WDR27: variants seen among roughly 807,000 people sequenced by gnomAD.
WDR27 encodes the protein WD repeat-containing protein 27.
Under a neutral mutation model 114.4 loss-of-function variants are expected in WDR27, and 100 were observed. That is an observed-to-expected ratio of 0.87 (90% CI 0.74 to 1.03). WDR27 has a LOEUF of 1.03. Ranked by LOEUF, WDR27 falls within the 50% of genes least tolerant of loss-of-function variation. The probability of loss-of-function intolerance (pLI) is 0.00; values close to 1 mark genes in which losing one functional copy is unlikely to be tolerated. For missense variants in WDR27, 1,129 were observed against 1,092.9 expected (o/e 1.03, Z -0.47); for synonymous variants, 449 against 423.1 (o/e 1.06, Z -0.75).
chr6:169,603,817 A>G (rs1808554001), intron 22 of WDR27, among the ~76,000 whole-genome samples: 1 of 152,252 alleles, frequency 6.6e-6, no homozygotes, highest in Admixed American at 6.5e-5. Flanking sequence ...GAGTTCATAA[A>G]GAAATTTCTT....
chr6:169,447,618 T>C, the WDR27 span, among the ~76,000 whole-genome samples: 1 of 152,214 alleles, frequency 6.6e-6, no homozygotes, highest in Non-Finnish European at 1.5e-5. Context: ...GAACAAACTC[T>C]CAAGTGGAGG....
intron 24 of WDR27, among the ~76,000 whole-genome samples, chr6:169,576,201 C>A (rs977466098): frequency 1.3e-5 from 2 of 152,196 alleles, no homozygotes; most frequent in African/African-American, 4.8e-5. Flanking sequence ...GTCCACCCAC[C>A]CTCAGGGGAC....
At chr6:169,580,933 T>TTATATATATATATATATA (rs1220748162) in intron 24 of WDR27, among the ~76,000 whole-genome samples, 36 of 53,654 alleles carry the variant, frequency 6.7e-4, no homozygotes, top group East Asian at 2.0e-3. Context: ...TTAGTGAATT[T>TTATATATATATATATATA]TATATATATA....
rs1311224576 is a variant in WDR27, at chr6:169,667,397, A to G, written c.661-210T>C. The G allele has an allele frequency of 3.3e-6, 4 of 1,224,464 alleles. No individual in the cohort carries two copies. The East Asian group carries it at 1.3e-4, about 40-fold the overall frequency. The allele number at this position is 1,224,464 out of a possible 1,614,324, so 75.8% of individuals were successfully genotyped here. A position where few individuals can be genotyped will look rare whatever the true frequency, so the allele number is the denominator to read the frequency against. On this transcript the variant is annotated intron_variant, in intron 5 of 25. Coordinates refer to ENST00000448612, the MANE Select transcript of WDR27 (RefSeq NM_182552.5). ...AAGAAAAAAATAACATCACTTCCAT[A>G]AATAAAACCCTGGTGGATTTGAAGA...
At chr6:169,567,774 T>G (rs2085848107) in intron 25 of WDR27, among the ~76,000 whole-genome samples, 1 of 152,152 alleles carries the variant, frequency 6.6e-6, no homozygotes, top group Non-Finnish European at 1.5e-5. Flanking sequence ...CGAGTCCTGC[T>G]TTTTAGGATG....
chr6:169,668,268 G>A (rs1412556051), intron 4 of WDR27, 83 bp from the exon 5 acceptor site: 1 of 1,402,302 alleles, frequency 7.1e-7, no homozygotes, highest in Non-Finnish European at 9.9e-7. Context: ...TCAGGTGTCT[G>A]AGCTAAGAGG....
chr6:169,457,059 C>A (rs117060801), downstream of WDR27, among the ~76,000 whole-genome samples: 199 of 151,266 alleles, frequency 1.3e-3, 2 homozygotes, highest in East Asian at 0.032. Context: ...CATGCAGAAC[C>A]TAGGGAAGAG....
intron 25 of WDR27, among the ~76,000 whole-genome samples, chr6:169,557,422 G>A (rs570876349): frequency 2.6e-5 from 4 of 152,322 alleles, no homozygotes; most frequent in African/African-American, 9.6e-5. Context: ...GAGGTGGGGG[G>A]TGCGGTGCAG....
At chr6:169,592,516 T>C (rs898363166) in intron 23 of WDR27, among the ~76,000 whole-genome samples, 13 of 152,220 alleles carry the variant, frequency 8.5e-5, no homozygotes, top group African/African-American at 2.2e-4. Flanking sequence ...ATAAAGACCA[T>C]TGAATTCCAT....
chr6:169,579,825 T>C (rs965048023), intron 24 of WDR27, among the ~76,000 whole-genome samples: 1 of 152,170 alleles, frequency 6.6e-6, no homozygotes. Context: ...CACACTTTGC[T>C]CGAAAAAACC....
At chr6:169,499,108 C>T (rs1041934035) in intron 25 of WDR27, among the ~76,000 whole-genome samples, 2 of 152,208 alleles carry the variant, frequency 1.3e-5, no homozygotes, top group Non-Finnish European at 2.9e-5. Context: ...TGTTGCTAAG[C>T]GGAAACAGAC....
intron 25 of WDR27, among the ~76,000 whole-genome samples, chr6:169,501,377 G>A (rs900756924): frequency 6.6e-6 from 1 of 152,182 alleles, no homozygotes; most frequent in Admixed American, 6.5e-5. Flanking sequence ...CTAAGCCACC[G>A]AGGGAGTCAC....
intron 25 of WDR27, among the ~76,000 whole-genome samples, chr6:169,462,490 G>GAAAGAAAGAAAGAAAGAA (rs376383197): frequency 6.7e-5 from 10 of 149,850 alleles, no homozygotes; most frequent in Admixed American, 2.0e-4. Context: ...GAGAGAGAGA[G>GAAAGAAAGAAAGAAAGAA]AGAAAGAAAG....
intron 25 of WDR27, among the ~76,000 whole-genome samples, chr6:169,465,208 A>C (rs1246671580): frequency 6.8e-6 from 1 of 147,264 alleles, no homozygotes; most frequent in African/African-American, 2.5e-5. Context: ...TGGTGAGCCG[A>C]GATTGCACCA....
chr6:169,649,203 G>A lies in WDR27; in HGVS notation c.1554C>T (p.Cys518=), dbSNP rs747248152. The change falls in exon 15 of 26, where the codon TGC becomes TGT. Residue 518 remains cysteine, a synonymous_variant. Coordinates refer to ENST00000448612, the MANE Select transcript of WDR27 (RefSeq NM_182552.5). ...GKGSSRSRSS[C]AREAYPVECA... is the part of the protein sequence containing the mutation. Reference sequence around the variant, plus strand: ...ATGCACGCTACATCACACACCGTGCGCAGCTGCTCCTGCTCCTTGAAGATC... The same window carrying A: ...ATGCACGCTACATCACACACCGTGCACAGCTGCTCCTGCTCCTTGAAGATC... 13 of 1,570,534 alleles carry A rather than the reference G, an allele frequency of 8.3e-6. No individual in the cohort carries two copies. The highest frequency in any genetic ancestry group is 2.3e-5 in the East Asian group (1 of 42,924).
intron 25 of WDR27, among the ~76,000 whole-genome samples, chr6:169,552,320 T>C (rs1287301711): frequency 1.3e-5 from 2 of 152,148 alleles, no homozygotes; most frequent in Non-Finnish European, 2.9e-5. Flanking sequence ...CATGTTATTA[T>C]TGTTCGTCTC....
chr6:169,512,096 A>G (rs975530304), intron 25 of WDR27, among the ~76,000 whole-genome samples: 1 of 152,192 alleles, frequency 6.6e-6, no homozygotes, highest in Non-Finnish European at 1.5e-5. Context: ...ATTATAAATT[A>G]TTTCCTTTCA....
At chr6:169,600,670 C>G (rs919326776) in intron 23 of WDR27, among the ~76,000 whole-genome samples, 1 of 152,166 alleles carries the variant, frequency 6.6e-6, no homozygotes, top group Non-Finnish European at 1.5e-5. Context: ...GACGAATGCA[C>G]AAGCCTCAGT....
At chr6:169,622,721 G>A (rs1313648874) in intron 21 of WDR27, among the ~76,000 whole-genome samples, 3 of 152,206 alleles carry the variant, frequency 2.0e-5, no homozygotes, top group Non-Finnish European at 4.4e-5. Flanking sequence ...CCTCAGGAGA[G>A]CACTGCAGTG....
Sources: gnomAD v4.1 joint callset for allele counts (sites outside exome capture counted in the v4.1 genomes callset) on GRCh38, gnomAD v4.1.1 for gene constraint, MANE v1.5 for transcripts, NCBI Gene and HGNC (gene_info 2026-07-23, HGNC 2026-07-21) for gene names.